Variants in BMPR1B observed in about 807,000 individuals in gnomAD.
The protein encoded by BMPR1B is bone morphogenetic protein receptor type 1B.
BMPR1B carries 12 observed loss-of-function variants against 59.1 expected under a neutral mutation model. The ratio of observed to expected loss-of-function variants is 0.20; its 90% CI spans 0.13 to 0.33. BMPR1B has a LOEUF of 0.33. Ranked by LOEUF, BMPR1B falls within the 10% of genes least tolerant of loss-of-function variation. The pLI is 1.00. For missense variants in BMPR1B, 550 were observed against 610.9 expected, an observed-to-expected ratio of 0.90 and a Z score of 1.05; for synonymous variants, 237 against 207.3, an observed-to-expected ratio of 1.14 and a Z score of -1.23.
intron 2 of BMPR1B, among the ~76,000 whole-genome samples, chr4:94,892,615 A>G (rs1727443615): frequency 6.6e-6 from 1 of 152,072 alleles, no homozygotes; most frequent in African/African-American, 2.4e-5. Flanking sequence ...AAGTAATTCT[A>G]TTGGTATGGA....
At chr4:94,957,313 G>C (rs1259999131) in intron 2 of BMPR1B, among the ~76,000 whole-genome samples, 1 of 141,814 alleles carries the variant, frequency 7.1e-6, no homozygotes, top group Non-Finnish European at 1.5e-5. Flanking sequence ...TGTGTACAGA[G>C]AGTCCACCTC....
At chr4:95,127,044 C>CTGTGTGTG (rs6148578) in intron 8 of BMPR1B, among the ~76,000 whole-genome samples, 5,082 of 146,444 alleles carry the variant, frequency 0.035, 126 homozygotes, top group Middle Eastern at 0.08. Flanking sequence ...AGAATTAAGA[C>CTGTGTGTG]TGTGTGTGTG....
intron 2 of BMPR1B, among the ~76,000 whole-genome samples, chr4:94,981,209 TC>T (rs200733703): frequency 1.4e-4 from 2 of 14,740 alleles, no homozygotes; most frequent in East Asian, 1.7e-3. Flanking sequence ...ATTTATCCTT[TC>T]TTTTTTTTTT....
chr4:94,775,489 T>A lies in BMPR1B; in HGVS notation c.-183+17421T>A, dbSNP rs370825790. 1.6e-4 allele frequency among the ~76,000 whole-genome samples: 24 copies of A among 152,352 alleles called. No individual in the cohort carries two copies. The East Asian group carries it at 4.2e-3, about 27-fold the overall frequency. On this transcript the variant is annotated intron_variant, in intron 1 of 12. Transcript: ENST00000515059. Reference sequence around the variant, plus strand: ...TGTTTCCTTTTTTTCCAATTTAAGATATTTCCATCTCTATTTCAAATGCTT... The same window carrying A: ...TGTTTCCTTTTTTTCCAATTTAAGAAATTTCCATCTCTATTTCAAATGCTT...
intron 1 of BMPR1B, among the ~76,000 whole-genome samples, chr4:94,794,094 A>G (rs1157552911): frequency 1.3e-5 from 2 of 150,394 alleles, no homozygotes; most frequent in African/African-American, 4.9e-5. Flanking sequence ...GTCCTTGCCC[A>G]TGTCTATGTC....
rs376788961 is a variant in BMPR1B at position 95,096,767 on chromosome 4, ATG to A, written c.-17-7639_-17-7638del. Among the ~76,000 whole-genome samples, 15 of 137,758 alleles carry A rather than the reference ATG, an allele frequency of 1.1e-4. No individual in the cohort carries two copies. In the South Asian group the frequency reaches 3.1e-3, roughly 28 times the overall value. The allele number at this position is 137,758 out of a possible 152,430, so 90.4% of individuals were successfully genotyped here. Reference sequence around the variant, plus strand: ...TAACTATATATAGTTATATATAACTATGTATAGTTATATATAACTATATATCT... The same window carrying A: ...TAACTATATATAGTTATATATAACTATATAGTTATATATAACTATATATCT... On this transcript the variant is annotated intron_variant, in intron 3 of 12. Transcript: ENST00000515059.
At chr4:94,986,381 T>C (rs2149092971) in intron 2 of BMPR1B, among the ~76,000 whole-genome samples, 1 of 152,308 alleles carries the variant, frequency 6.6e-6, no homozygotes. Context: ...CCTGTCAGTT[T>C]TCACCCACTT....
chr4:94,911,174 A>G (rs1239907074), intron 2 of BMPR1B, among the ~76,000 whole-genome samples: 1 of 152,190 alleles, frequency 6.6e-6, no homozygotes, highest in African/African-American at 2.4e-5. Context: ...AAGTCTAAAT[A>G]TTACTGGCTT....
intron 3 of BMPR1B, among the ~76,000 whole-genome samples, chr4:95,038,983 C>T (rs907139558): frequency 3.9e-5 from 6 of 152,144 alleles, no homozygotes; most frequent in Non-Finnish European, 5.9e-5. Flanking sequence ...TTTCACTTTT[C>T]AGCTGGGTGT....
intron 1 of BMPR1B, among the ~76,000 whole-genome samples, chr4:94,862,698 C>G (rs1433170608): frequency 6.6e-6 from 1 of 151,278 alleles, no homozygotes; most frequent in African/African-American, 2.4e-5. Context: ...GTAATCCCAG[C>G]ACTTTGGCAG....
At chr4:94,975,367 T>TTG (rs201478219) in intron 2 of BMPR1B, among the ~76,000 whole-genome samples, 5,189 of 140,712 alleles carry the variant, frequency 0.037, 315 homozygotes, top group African/African-American at 0.13. Flanking sequence ...GTTTTTGTTT[T>TTG]TTTTTTTTTT....
chr4:94,788,726 G>A lies in BMPR1B; in HGVS notation c.-183+30658G>A, dbSNP rs571615499. Among the ~76,000 whole-genome samples, 7 of 152,292 alleles carry A rather than the reference G, an allele frequency of 4.6e-5. No homozygotes were observed. In the South Asian group the frequency reaches 1.5e-3, roughly 32 times the overall value. On this transcript the variant is annotated intron_variant, in intron 1 of 12. Transcript: ENST00000515059. ...CTCTTCTCTTGGAGAAGAGATGAGG[G>A]CATCTTTTAGATCTGCCTTTCATAA... is the stretch of plus-strand genomic sequence containing the variant.
intron 2 of BMPR1B, among the ~76,000 whole-genome samples, chr4:94,895,119 A>G (rs1010608980): frequency 1.1e-4 from 17 of 152,166 alleles, no homozygotes; most frequent in Non-Finnish European, 1.5e-4. Flanking sequence ...AATGTAAACA[A>G]GTATCACAAA....
intron 12 of BMPR1B, among the ~76,000 whole-genome samples, chr4:95,154,331 A>G (rs929968188): frequency 3.5e-4 from 53 of 152,240 alleles, no homozygotes; most frequent in African/African-American, 1.3e-3. Context: ...AATCAGCAGA[A>G]CCACCTGCTT....
intron 2 of BMPR1B, among the ~76,000 whole-genome samples, chr4:94,908,157 C>T (rs1433654787): frequency 2.1e-5 from 3 of 145,722 alleles, no homozygotes; most frequent in African/African-American, 5.0e-5. Context: ...GAAATTTGAG[C>T]TGTTGTTGCC....
chr4:94,871,501 A>G (rs565170027), intron 1 of BMPR1B, among the ~76,000 whole-genome samples: 4 of 152,168 alleles, frequency 2.6e-5, no homozygotes, highest in African/African-American at 9.7e-5. Flanking sequence ...AACCCTTTCT[A>G]AGAAGGAAGG....
At chr4:95,114,671 G>A (rs1387307087) in intron 4 of BMPR1B, 49 bp from the exon 5 acceptor site, 1 of 1,301,216 alleles carries the variant, frequency 7.7e-7, no homozygotes, top group Non-Finnish European at 1.1e-6. Flanking sequence ...CACACACACT[G>A]ACTCACACAC....
chr4:94,980,682 G>A (rs1444923), intron 2 of BMPR1B, among the ~76,000 whole-genome samples: 145,210 of 152,210 alleles, frequency 0.95, 69,300 homozygotes, highest in Middle Eastern at 0.99. Context: ...ACCCTGAGCT[G>A]CTGAGATAGG....
At chr4:94,946,783 G>T (rs1388148313) in intron 2 of BMPR1B, among the ~76,000 whole-genome samples, 1 of 152,086 alleles carries the variant, frequency 6.6e-6, no homozygotes, top group Non-Finnish European at 1.5e-5. Flanking sequence ...AGGCGTGGTG[G>T]CTCACATCTG....
Sources: gnomAD v4.1 joint callset for allele counts (sites outside exome capture counted in the v4.1 genomes callset) on GRCh38, gnomAD v4.1.1 for gene constraint, MANE v1.5 for transcripts, NCBI Gene and HGNC (gene_info 2026-07-23, HGNC 2026-07-21) for gene names.